Variants in EFNA5 observed in about 807,000 individuals in gnomAD.
EFNA5 encodes ephrin-A5.
A neutral mutation model predicts 22.9 loss-of-function variants in EFNA5; 5 were observed. The ratio of observed to expected loss-of-function variants is 0.22; its 90% CI spans 0.11 to 0.46. The LOEUF is 0.46. Among genes scored for constraint, EFNA5 ranks in the 20% least tolerant of loss-of-function variants. The pLI is 0.99. For synonymous variants in EFNA5, 113 were observed against 112.2 expected (o/e 1.01, Z -0.04); for missense variants, 237 against 293.3 (o/e 0.81, Z 1.40).
intron 1 of EFNA5, among the ~76,000 whole-genome samples, chr5:107,622,849 G>A (rs376491218): frequency 2.0e-5 from 3 of 151,048 alleles, no homozygotes; most frequent in East Asian, 2.0e-4. Context: ...GTGAAACCCC[G>A]TCTCTACTAA....
intron 1 of EFNA5, 24 bp from the exon 2 acceptor site, chr5:107,427,533 G>A (rs1748839807): frequency 6.4e-7 from 1 of 1,559,142 alleles, no homozygotes; most frequent in Non-Finnish European, 8.7e-7. Flanking sequence ...AAAAAAAAAT[G>A]TGATAATTCA....
intron 1 of EFNA5, among the ~76,000 whole-genome samples, chr5:107,585,217 C>T (rs980636962): frequency 8.5e-5 from 13 of 152,166 alleles, no homozygotes; most frequent in African/African-American, 2.9e-4. Context: ...CAATTTTCTG[C>T]TTTTCACTTA....
chr5:107,385,247 A>G (rs1298613698), intron 4 of EFNA5, among the ~76,000 whole-genome samples: 3 of 152,170 alleles, frequency 2.0e-5, no homozygotes, highest in African/African-American at 7.2e-5. Flanking sequence ...AATATCTTGC[A>G]TTGTATCGTT....
At position 107,652,426 on chromosome 5, in the gene EFNA5, T is replaced by C. The variant is rs544835128; in HGVS notation, c.125+18063A>G. 2.0e-5 allele frequency among the ~76,000 whole-genome samples: 3 copies of C among 152,358 alleles called. No individual in the cohort carries two copies. The East Asian group carries it at 5.8e-4, about 29-fold the overall frequency. On this transcript the variant is annotated intron_variant, in intron 1 of 4. Coordinates refer to ENST00000333274, the MANE Select transcript of EFNA5 (RefSeq NM_001962.3). ...GCTTTCTCTCTCTCTGTCCATAGCA[T>C]TTCATGCTTTATTGTGACACTATTG... is the stretch of plus-strand genomic sequence containing the variant.
intron 1 of EFNA5, among the ~76,000 whole-genome samples, chr5:107,442,840 C>T (rs1054918999): frequency 6.8e-6 from 1 of 146,760 alleles, no homozygotes; most frequent in Admixed American, 7.0e-5. Context: ...CAAATTACTT[C>T]TTCTTTCTCT....
chr5:107,584,969 T>C (rs936147113), intron 1 of EFNA5, among the ~76,000 whole-genome samples: 2 of 152,126 alleles, frequency 1.3e-5, no homozygotes, highest in African/African-American at 4.8e-5. Flanking sequence ...TATTCTAATG[T>C]AGGGAAAACA....
At chr5:107,553,023 T>C (rs898072104) in intron 1 of EFNA5, among the ~76,000 whole-genome samples, 3 of 152,230 alleles carry the variant, frequency 2.0e-5, no homozygotes, top group African/African-American at 7.2e-5. Flanking sequence ...TTTTTTATTA[T>C]AGCCCTCCTC....
intron 1 of EFNA5, among the ~76,000 whole-genome samples, chr5:107,522,723 C>T (rs1747622488): frequency 6.6e-6 from 1 of 152,170 alleles, no homozygotes; most frequent in African/African-American, 2.4e-5. Flanking sequence ...AGTCCAAGTA[C>T]TACTGCATGT....
At chr5:107,531,849 T>G (rs1350160668) in intron 1 of EFNA5, among the ~76,000 whole-genome samples, 1 of 152,240 alleles carries the variant, frequency 6.6e-6, no homozygotes, top group Non-Finnish European at 1.5e-5. Flanking sequence ...CCCTTCAGGT[T>G]ACAATTTCTG....
chr5:107,417,606 A>G (rs1748536565), intron 2 of EFNA5, among the ~76,000 whole-genome samples: 1 of 152,156 alleles, frequency 6.6e-6, no homozygotes, highest in Non-Finnish European at 1.5e-5. Context: ...AAAACAGAAA[A>G]CTTGATAGCC....
At position 107,584,955 on chromosome 5, in the gene EFNA5, T is replaced by C. The variant is rs61516790; in HGVS notation, c.125+85534A>G. Among the ~76,000 whole-genome samples, 941 of 152,324 alleles carry C rather than the reference T, an allele frequency of 6.2e-3. 10 individuals are homozygous for C. Among genetic ancestry groups the C allele is most frequent in the African/African-American group, 0.02 (840 of 41,564 alleles). On this transcript the variant is annotated intron_variant, in intron 1 of 4. Coordinates refer to ENST00000333274, the MANE Select transcript of EFNA5 (RefSeq NM_001962.3). ...GGTCACAACGTAGCAAGTCTTCTTC[T>C]GGTTATTCTAATGTAGGGAAAACAA...
intron 1 of EFNA5, among the ~76,000 whole-genome samples, chr5:107,435,105 T>A (rs1332853430): frequency 6.6e-6 from 1 of 152,210 alleles, no homozygotes; most frequent in Non-Finnish European, 1.5e-5. Flanking sequence ...AAGATGTCTG[T>A]TTTTAACTAG....
chr5:107,618,328 A>G (rs543556787), intron 1 of EFNA5, among the ~76,000 whole-genome samples: 2 of 152,352 alleles, frequency 1.3e-5, no homozygotes, highest in South Asian at 4.1e-4. Flanking sequence ...AACAAAATTC[A>G]TTATATGAAC....
chr5:107,623,027 CAAAAAAAAA>C (rs61689503), intron 1 of EFNA5, among the ~76,000 whole-genome samples: 370 of 29,868 alleles, frequency 0.012, 2 homozygotes, highest in African/African-American at 0.049. Flanking sequence ...GACTCCGTCT[CAAAAAAAAA>C]AAAAAAAAAA....
intron 2 of EFNA5, among the ~76,000 whole-genome samples, chr5:107,394,283 TAA>T (rs1223495390): frequency 6.6e-6 from 1 of 152,192 alleles, no homozygotes; most frequent in African/African-American, 2.4e-5. Context: ...TCTCAAGACT[TAA>T]ATCATGGGCA....
At chr5:107,586,736 C>T in intron 1 of EFNA5, among the ~76,000 whole-genome samples, 1 of 152,002 alleles carries the variant, frequency 6.6e-6, no homozygotes, top group Non-Finnish European at 1.5e-5. Flanking sequence ...CTCAACAAAG[C>T]GAAGTGTATC....
At chr5:107,599,108 G>A (rs565034683) in intron 1 of EFNA5, among the ~76,000 whole-genome samples, 6 of 152,248 alleles carry the variant, frequency 3.9e-5, no homozygotes, top group South Asian at 2.1e-4. Context: ...AAATGGGCAC[G>A]GGAACCAGAG....
intron 2 of EFNA5, among the ~76,000 whole-genome samples, chr5:107,416,582 T>C (rs1748511120): frequency 6.6e-6 from 1 of 152,208 alleles, no homozygotes. Flanking sequence ...CAATATATGC[T>C]AAATCACTCT....
intron 2 of EFNA5, among the ~76,000 whole-genome samples, chr5:107,421,402 C>A (rs1748661447): frequency 6.6e-6 from 1 of 152,126 alleles, no homozygotes; most frequent in African/African-American, 2.4e-5. Flanking sequence ...CTCATTAAAA[C>A]ATACTAATTC....
Sources: allele counts gnomAD v4.1 joint callset (sites outside exome capture counted in the v4.1 genomes callset), GRCh38; gene constraint gnomAD v4.1.1; transcripts MANE v1.5; gene names NCBI Gene and HGNC (gene_info 2026-07-23, HGNC 2026-07-21).